Variants in AKT3 observed in about 807,000 individuals in gnomAD.
AKT3 encodes the protein RAC-gamma serine/threonine-protein kinase.
AKT3 carries 15 observed loss-of-function variants against 65.3 expected under a neutral mutation model. That is an observed-to-expected ratio of 0.23 (90% CI 0.15 to 0.35). The LOEUF is 0.35. AKT3 is among the 10% of genes least tolerant of loss of function. AKT3 has a pLI of 1.00. For missense variants in AKT3, 243 were observed against 576.5 expected (o/e 0.42, Z 5.92); for synonymous variants, 206 against 183.8 (o/e 1.12, Z -0.98).
intron 2 of AKT3, among the ~76,000 whole-genome samples, chr1:243,807,328 C>T (rs1282212084): frequency 6.6e-6 from 1 of 152,212 alleles, no homozygotes; most frequent in African/African-American, 2.4e-5. Flanking sequence ...TCGGGTCACT[C>T]CCACCCTAAT....
At chr1:243,733,935 A>C (rs1349146606) in intron 2 of AKT3, among the ~76,000 whole-genome samples, 1 of 152,230 alleles carries the variant, frequency 6.6e-6, no homozygotes, top group Non-Finnish European at 1.5e-5. Flanking sequence ...CAATAAACTG[A>C]GGTACAACTG....
intron 2 of AKT3, among the ~76,000 whole-genome samples, chr1:243,730,333 TCTC>T (rs1210729412): frequency 6.6e-6 from 1 of 152,122 alleles, no homozygotes; most frequent in African/African-American, 2.4e-5. Context: ...CAGTAAAACT[TCTC>T]CACCTTGCTC....
rs573455762 is a variant in AKT3, at chr1:243,804,484, T to C, written c.46+38641A>G. On this transcript the variant is annotated intron_variant, in intron 2 of 13. Transcript: ENST00000673466. ...TAGTTAAATCTAGCTAACAAATGCA[T>C]TACCTCACATAGTTATCATTTTTGT... Among the ~76,000 whole-genome samples the C allele has an allele frequency of 8.5e-5, 13 of 152,314 alleles. No homozygotes were observed. In the South Asian group the frequency reaches 2.7e-3, roughly 32 times the overall value.
At chr1:243,674,210 T>C (rs1683347477) in intron 3 of AKT3, among the ~76,000 whole-genome samples, 1 of 152,188 alleles carries the variant, frequency 6.6e-6, no homozygotes, top group South Asian at 2.1e-4. Flanking sequence ...TCACCAATGG[T>C]AAAATCATTT....
chr1:243,804,377 T>A (rs1184256162), intron 2 of AKT3, among the ~76,000 whole-genome samples: 1 of 152,216 alleles, frequency 6.6e-6, no homozygotes, highest in African/African-American at 2.4e-5. Context: ...ATAAGGTTAT[T>A]CTAAATCTTT....
intron 2 of AKT3, among the ~76,000 whole-genome samples, chr1:243,704,521 C>G (rs12747291): frequency 0.039 from 5,957 of 152,192 alleles, 183 homozygotes; most frequent in Middle Eastern, 0.061. Context: ...ATGGCAATAG[C>G]CCCTATTCTT....
intron 6 of AKT3, among the ~76,000 whole-genome samples, chr1:243,631,155 T>C (rs570093595): frequency 1.4e-3 from 218 of 152,268 alleles, no homozygotes; most frequent in Middle Eastern, 6.8e-3. Flanking sequence ...GAAATGTATA[T>C]ACCTTAATTT....
rs1678197641 is a variant in AKT3 at position 243,615,150 on chromosome 1, T to C, written c.573A>G (p.Ala191=). 1 of 1,607,342 alleles carries C rather than the reference T, an allele frequency of 6.2e-7. No individual in the cohort carries two copies. Among genetic ancestry groups the C allele is most frequent in the Non-Finnish European group, 8.5e-7 (1 of 1,176,170 alleles). Residue 191 remains alanine, a synonymous_variant, in exon 7 of 14, where the codon GCA becomes GCG. Coordinates refer to ENST00000673466, the MANE Select transcript of AKT3 (RefSeq NM_005465.7). ...ATACTCTGCTTTCAGTTAGAGTGTG[T>C]GCCACTTCATCCTACAAAAGAAAAA... The part of the protein sequence containing the change: ...KEVIIAKDEV[A]HTLTESRVLK...
chr1:243,621,809 C>CT (rs906029562), intron 6 of AKT3, among the ~76,000 whole-genome samples: 3 of 151,930 alleles, frequency 2.0e-5, no homozygotes, highest in South Asian at 2.1e-4. Flanking sequence ...TCTCCAACTC[C>CT]TTTTTTTTCC....
intron 6 of AKT3, among the ~76,000 whole-genome samples, chr1:243,624,122 C>A (rs1678975317): frequency 6.6e-6 from 1 of 152,126 alleles, no homozygotes; most frequent in Non-Finnish European, 1.5e-5. Flanking sequence ...CTCATTAAAG[C>A]ATGGCAAAAA....
intron 6 of AKT3, among the ~76,000 whole-genome samples, chr1:243,615,645 T>C (rs539494749): frequency 7.2e-5 from 11 of 152,294 alleles, no homozygotes; most frequent in African/African-American, 2.6e-4. Flanking sequence ...AGAATACACA[T>C]GCAATATTTA....
At chr1:243,713,056 ACTGGGTACTCT>A (rs1686259100) in intron 2 of AKT3, among the ~76,000 whole-genome samples, 1 of 152,216 alleles carries the variant, frequency 6.6e-6, no homozygotes, top group Admixed American at 6.5e-5. Context: ...TACAAAATAA[ACTGGGTACTCT>A]CTACCTCACC....
chr1:243,716,237 T>A (rs1392031624), intron 2 of AKT3, among the ~76,000 whole-genome samples: 2 of 152,140 alleles, frequency 1.3e-5, no homozygotes, highest in Non-Finnish European at 2.9e-5. Context: ...TGTTCATAAA[T>A]AAGAATTACA....
intron 8 of AKT3, among the ~76,000 whole-genome samples, chr1:243,606,803 C>G (rs1280754705): frequency 1.3e-5 from 2 of 152,230 alleles, no homozygotes; most frequent in Admixed American, 1.3e-4. Flanking sequence ...TTTTGTGGGC[C>G]AGGGCCAGGG....
chr1:243,830,553 A>C (rs1216410126), intron 2 of AKT3, among the ~76,000 whole-genome samples: 1 of 152,218 alleles, frequency 6.6e-6, no homozygotes, highest in Non-Finnish European at 1.5e-5. Flanking sequence ...TATATTGCTC[A>C]GGAGGGCAAA....
chr1:243,589,325 GA>G (rs1296078540), intron 8 of AKT3, among the ~76,000 whole-genome samples: 3 of 118,100 alleles, frequency 2.5e-5, no homozygotes, highest in East Asian at 2.5e-4. Context: ...AAAAAAAAAA[GA>G]AAAAAAAAGA....
chr1:243,654,600 T>A (rs1001441577), intron 4 of AKT3, among the ~76,000 whole-genome samples: 10 of 152,184 alleles, frequency 6.6e-5, no homozygotes, highest in African/African-American at 2.2e-4. Context: ...ATTATAGGCA[T>A]AAGACACAAT....
intron 2 of AKT3, among the ~76,000 whole-genome samples, chr1:243,787,908 T>C (rs1691365212): frequency 6.6e-6 from 1 of 152,104 alleles, no homozygotes; most frequent in Non-Finnish European, 1.5e-5. Flanking sequence ...TGCCACTCTC[T>C]TCCCCACCTC....
At chr1:243,708,214 G>A (rs914751366) in intron 2 of AKT3, among the ~76,000 whole-genome samples, 5 of 151,822 alleles carry the variant, frequency 3.3e-5, no homozygotes, top group East Asian at 1.9e-4. Flanking sequence ...TGATATCGTC[G>A]AATTGAAGGG....
Sources: gnomAD v4.1 joint callset for allele counts (sites outside exome capture counted in the v4.1 genomes callset) on GRCh38, gnomAD v4.1.1 for gene constraint, MANE v1.5 for transcripts, NCBI Gene and HGNC (gene_info 2026-07-23, HGNC 2026-07-21) for gene names.